Variants in GRID1 observed in about 807,000 individuals in gnomAD.
The protein encoded by GRID1 is glutamate ionotropic receptor delta type subunit 1, also known as glutamate receptor ionotropic, delta-1.
A neutral mutation model predicts 98.0 loss-of-function variants in GRID1; 28 were observed. The ratio of observed to expected loss-of-function variants is 0.29; its 90% CI spans 0.21 to 0.39. GRID1 has a LOEUF of 0.39. GRID1 is among the 10% of genes least tolerant of loss of function. The pLI, the probability that GRID1 is intolerant of heterozygous loss-of-function variation, is 1.00. For missense variants in GRID1, 1,111 were observed against 1,340.5 expected, an observed-to-expected ratio of 0.83 and a Z score of 2.67; for synonymous variants, 553 against 538.5, an observed-to-expected ratio of 1.03 and a Z score of -0.37.
At chr10:85,880,552 G>C (rs1215629020) in intron 5 of GRID1, among the ~76,000 whole-genome samples, 2 of 151,804 alleles carry the variant, frequency 1.3e-5, no homozygotes, top group Admixed American at 1.3e-4. Context: ...TGCAGAAAAG[G>C]CCTTTGACAA....
At chr10:85,619,365 G>T (rs892080452) in intron 14 of GRID1, among the ~76,000 whole-genome samples, 9 of 152,316 alleles carry the variant, frequency 5.9e-5, no homozygotes, top group Admixed American at 5.9e-4. Flanking sequence ...CTGCTTCTCT[G>T]ACTCTACTTT....
intron 12 of GRID1, among the ~76,000 whole-genome samples, chr10:85,701,661 A>G (rs2132623100): frequency 6.6e-6 from 1 of 152,302 alleles, no homozygotes; most frequent in South Asian, 2.1e-4. Context: ...TTATGGAAAG[A>G]GCTCTCCACA....
At position 85,832,797 on chromosome 10, in the gene GRID1, A is replaced by T. The variant is rs75338679; in HGVS notation, c.1233+21699T>A. Among the ~76,000 whole-genome samples, 157 of 152,300 alleles carry T rather than the reference A, an allele frequency of 1.0e-3. 3 individuals carry two copies. The East Asian group carries it at 0.023, about 22-fold the overall frequency. On this transcript the variant is annotated intron_variant, in intron 8 of 15. Coordinates refer to ENST00000327946, the MANE Select transcript of GRID1 (RefSeq NM_017551.3). ...CCAAGCAACAGAAGATGGTCCGGGT[A>T]GGCTCATTCTTCTCCCAGCCAGACC... is the stretch of plus-strand genomic sequence containing the variant.
At chr10:86,127,823 C>T (rs1357595445) in intron 4 of GRID1, among the ~76,000 whole-genome samples, 1 of 152,164 alleles carries the variant, frequency 6.6e-6, no homozygotes, top group East Asian at 1.9e-4. Context: ...CTGATACCTC[C>T]CAATGTTTGA....
chr10:85,838,919 C>T (rs764123457), intron 8 of GRID1, among the ~76,000 whole-genome samples: 29 of 151,418 alleles, frequency 1.9e-4, no homozygotes, highest in Non-Finnish European at 2.4e-4. Flanking sequence ...TGCAGTGACA[C>T]ACATAGGCTC....
intron 3 of GRID1, among the ~76,000 whole-genome samples, chr10:86,153,649 GAT>G (rs906681372): frequency 6.6e-6 from 1 of 152,148 alleles, no homozygotes; most frequent in African/African-American, 2.4e-5. Context: ...GACATGGCTG[GAT>G]ACCCCAGCCC....
intron 4 of GRID1, among the ~76,000 whole-genome samples, chr10:86,013,206 G>A (rs561742822): frequency 2.1e-4 from 32 of 152,294 alleles, no homozygotes; most frequent in African/African-American, 7.5e-4. Context: ...GACTCTCCCT[G>A]AAAATCAAGT....
intron 5 of GRID1, among the ~76,000 whole-genome samples, chr10:85,906,672 A>G (rs569512540): frequency 1.3e-5 from 2 of 152,326 alleles, no homozygotes; most frequent in East Asian, 3.9e-4. Context: ...GGAATCCAAA[A>G]GTAATATAGA....
chr10:85,675,513 C>T (rs796080565), intron 12 of GRID1, among the ~76,000 whole-genome samples: 20 of 152,320 alleles, frequency 1.3e-4, no homozygotes, highest in African/African-American at 4.8e-4. Flanking sequence ...TTCATTGATT[C>T]AGTCCTTCAG....
intron 2 of GRID1, among the ~76,000 whole-genome samples, chr10:86,268,999 TGAAAA>T (rs1457818136): frequency 6.7e-6 from 1 of 150,222 alleles, no homozygotes; most frequent in Non-Finnish European, 1.5e-5. Context: ...CAAAAAAAAA[TGAAAA>T]GAAAGATTGG....
chr10:86,189,384 G>A (rs1344489657), intron 3 of GRID1, among the ~76,000 whole-genome samples: 1 of 151,868 alleles, frequency 6.6e-6, no homozygotes, highest in Non-Finnish European at 1.5e-5. Context: ...CTATGCTGTG[G>A]TCTCACTGCT....
chr10:86,047,033 C>T lies in GRID1; in HGVS notation c.726+91786G>A, dbSNP rs922942483. 3.3e-5 allele frequency among the ~76,000 whole-genome samples: 5 copies of T among 152,214 alleles called. No homozygotes were observed. The East Asian group carries it at 9.6e-4, about 29-fold the overall frequency. On this transcript the variant is annotated intron_variant, in intron 4 of 15. Coordinates refer to ENST00000327946, the MANE Select transcript of GRID1 (RefSeq NM_017551.3). Reference sequence around the variant, plus strand: ...GAGGTTGCAGGACTTCTCCATGGCTCAGTACCATGTTCTCTGAGCATCAGA... The same window carrying T: ...GAGGTTGCAGGACTTCTCCATGGCTTAGTACCATGTTCTCTGAGCATCAGA...
chr10:85,790,030 T>C lies in GRID1; in HGVS notation c.1234-60416A>G, dbSNP rs7093772. ...TCCTGACTCTGCCTCTGGCCTCAGC[T>C]TAGATTTACTTTGTCTGGAAGCTTT... On this transcript the variant is annotated intron_variant, in intron 8 of 15. Transcript: ENST00000327946. Among the ~76,000 whole-genome samples the C allele has an allele frequency of 7.8e-3, 1,182 of 152,314 alleles. 16 individuals are homozygous for C. The highest frequency in any genetic ancestry group is 0.026 in the African/African-American group (1,082 of 41,572).
intron 4 of GRID1, among the ~76,000 whole-genome samples, chr10:86,110,191 C>T (rs922421318): frequency 6.6e-6 from 1 of 152,112 alleles, no homozygotes; most frequent in African/African-American, 2.4e-5. Context: ...TCAGGCTGAT[C>T]TCGAAATCCT....
At chr10:86,061,066 C>G (rs1405548316) in intron 4 of GRID1, among the ~76,000 whole-genome samples, 1 of 152,194 alleles carries the variant, frequency 6.6e-6, no homozygotes, top group Non-Finnish European at 1.5e-5. Flanking sequence ...TGGCACTGGC[C>G]CTTCCTGGTG....
intron 2 of GRID1, among the ~76,000 whole-genome samples, chr10:86,306,122 C>T (rs1158993931): frequency 6.6e-6 from 1 of 152,202 alleles, no homozygotes; most frequent in Non-Finnish European, 1.5e-5. Flanking sequence ...CTTCAGGGAT[C>T]GTTCCATCAA....
At chr10:85,885,153 G>A (rs1294516234) in intron 5 of GRID1, among the ~76,000 whole-genome samples, 1 of 152,166 alleles carries the variant, frequency 6.6e-6, no homozygotes, top group Non-Finnish European at 1.5e-5. Flanking sequence ...AGAAACCTCT[G>A]CAAATCTCTA....
intron 12 of GRID1, among the ~76,000 whole-genome samples, chr10:85,706,659 T>A (rs1331752125): frequency 2.0e-5 from 3 of 152,118 alleles, no homozygotes; most frequent in Non-Finnish European, 4.4e-5. Context: ...GCCAAGTCAA[T>A]CCTAAGCCAA....
chr10:86,126,433 C>T (rs954990991), intron 4 of GRID1, among the ~76,000 whole-genome samples: 29 of 151,960 alleles, frequency 1.9e-4, no homozygotes, highest in Middle Eastern at 3.2e-3. Flanking sequence ...CCAGCCTGGG[C>T]GACAGAGTGA....
Sources: gnomAD v4.1 joint callset for allele counts (sites outside exome capture counted in the v4.1 genomes callset) on GRCh38, gnomAD v4.1.1 for gene constraint, MANE v1.5 for transcripts, NCBI Gene and HGNC (gene_info 2026-07-23, HGNC 2026-07-21) for gene names.